The following CPXM2 variants were observed in gnomAD, a reference collection of about 807,000 sequenced individuals.
CPXM2 encodes inactive carboxypeptidase-like protein X2.
In CPXM2, 66 loss-of-function variants were observed where a neutral mutation model predicts 86.1. The observed-to-expected ratio is 0.77, with a 90% confidence interval of 0.63 to 0.94. The LOEUF (loss-of-function observed/expected upper bound fraction) is 0.94, where lower values mean the gene tolerates loss of function less well. Ranked by LOEUF, CPXM2 falls within the 40% of genes least tolerant of loss-of-function variation. The pLI, the probability that CPXM2 is intolerant of heterozygous loss-of-function variation, is 0.00. For missense variants in CPXM2, 948 were observed against 1,026.3 expected, an observed-to-expected ratio of 0.92 and a Z score of 1.04; for synonymous variants, 388 against 400.2, an observed-to-expected ratio of 0.97 and a Z score of 0.36.
chr10:123,916,697 T>G (rs182022911), intron 2 of CPXM2, among the ~76,000 whole-genome samples: 1 of 152,328 alleles, frequency 6.6e-6, no homozygotes. Flanking sequence ...GTTTGTTGGT[T>G]TGATCTGGCT....
intron 10 of CPXM2, among the ~76,000 whole-genome samples, chr10:123,765,207 GTT>G (rs1240407774): frequency 1.3e-5 from 2 of 152,106 alleles, no homozygotes; most frequent in Admixed American, 6.5e-5. Flanking sequence ...CTAATCATTG[GTT>G]ATAGAATTCT....
At chr10:123,849,416 A>G (rs1268246673) in intron 3 of CPXM2, among the ~76,000 whole-genome samples, 2 of 138,238 alleles carry the variant, frequency 1.4e-5, no homozygotes, top group African/African-American at 5.3e-5. Context: ...AATTTCATTT[A>G]TTATATTCTT....
chr10:123,938,922 G>T (rs11517442), intron 2 of CPXM2, among the ~76,000 whole-genome samples: 44,314 of 151,880 alleles, frequency 0.29, 6,719 homozygotes, highest in Middle Eastern at 0.37. Context: ...TCACAGCCCA[G>T]GTACTTCCAT....
chr10:123,825,235 G>A (rs1848021462), intron 4 of CPXM2, among the ~76,000 whole-genome samples: 2 of 152,152 alleles, frequency 1.3e-5, no homozygotes, highest in Non-Finnish European at 2.9e-5. Flanking sequence ...ACTCATTAGA[G>A]AAGAGACAGA....
At chr10:123,818,769 C>A (rs1206221733) in intron 4 of CPXM2, among the ~76,000 whole-genome samples, 2 of 152,148 alleles carry the variant, frequency 1.3e-5, no homozygotes, top group African/African-American at 2.4e-5. Flanking sequence ...AGTTACAACG[C>A]CAACTCAGTG....
At chr10:123,907,317 A>G (rs1945451461) in intron 2 of CPXM2, among the ~76,000 whole-genome samples, 3 of 152,354 alleles carry the variant, frequency 2.0e-5, no homozygotes, top group African/African-American at 7.2e-5. Flanking sequence ...AGCTTTCTGT[A>G]ATTAGAAGAG....
Position 123,891,778 on chromosome 10 carries a change from C to G in CPXM2, c.-119G>C. 1.5e-6 allele frequency: 1 copy of G among 653,594 alleles called. No homozygotes were observed. The highest frequency in any genetic ancestry group is 2.1e-6 in the Non-Finnish European group (1 of 482,586). The allele number at this position is 653,594 out of a possible 1,614,324, so 40.5% of individuals were successfully genotyped here. ...GGCACAGCAGAGCGGCGCGCTTGGG[C>G]GCGGGAGGCGGCCGGCTGGCTGCGC... is the stretch of plus-strand genomic sequence containing the variant. On this transcript the variant is annotated 5_prime_UTR_variant, in exon 1 of 14. Transcript: ENST00000241305. The surrounding 1 kb of genome is among the most constrained non-coding windows in gnomAD (Gnocchi z 5.6).
At chr10:123,805,822 T>A (rs1847567594) in intron 4 of CPXM2, among the ~76,000 whole-genome samples, 1 of 152,208 alleles carries the variant, frequency 6.6e-6, no homozygotes, top group Non-Finnish European at 1.5e-5. Flanking sequence ...CTCACAATAT[T>A]CTTTTCATAA....
intron 1 of CPXM2, among the ~76,000 whole-genome samples, chr10:123,939,691 A>G (rs935826420): frequency 6.6e-6 from 1 of 152,150 alleles, no homozygotes; most frequent in Non-Finnish European, 1.5e-5. Context: ...GCCGGGCCTA[A>G]GGAGAGGCTG....
At chr10:123,914,190 C>T in intron 2 of CPXM2, 2 of 420,826 alleles carry the variant, frequency 4.8e-6, no homozygotes, top group Non-Finnish European at 9.6e-6. Flanking sequence ...TCCGGGAACT[C>T]TGTGAAGCTA....
rs761792844 is a variant in CPXM2 at position 123,842,361 on chromosome 10, T to A, written c.641A>T (p.Asn214Ile). 14 of 1,614,130 alleles carry A rather than the reference T, an allele frequency of 8.7e-6. No homozygotes were observed. Among genetic ancestry groups the A allele is most frequent in the Non-Finnish European group, 1.1e-5 (13 of 1,180,026 alleles). The stretch of plus-strand genomic sequence containing the variant: ...CAGGTACACTCACAGCCAGAGGGAG[T>A]TCCTCCCTTGAGTGATGACACCAGT... The part of the protein sequence containing the change: ...RFTGVITQGR[N>I]SLWLSDWVTS... Residue 214 changes from asparagine to isoleucine, a missense_variant, in exon 4 of 14, where the codon AAC (asparagine) becomes ATC (isoleucine). By Grantham distance (149) the Asn-to-Ile change is moderately radical (BLOSUM62 -3). Transcript: ENST00000241305.
At chr10:123,811,150 CTTTTTTT>C (rs372146234) in intron 4 of CPXM2, among the ~76,000 whole-genome samples, 3 of 145,528 alleles carry the variant, frequency 2.1e-5, no homozygotes, top group African/African-American at 7.5e-5. Context: ...TTTCTTTTTT[CTTTTTTT>C]TTTTATTATA....
rs1945064580 is a variant in CPXM2, at chr10:123,880,450, AAG to A, written c.305-143_305-142del. 4 of 599,630 alleles carry A rather than the reference AAG, an allele frequency of 6.7e-6. No individual in the cohort carries two copies. The South Asian group carries it at 8.0e-5, about 12-fold the overall frequency. The allele number at this position is 599,630 out of a possible 1,614,324, so 37.1% of individuals were successfully genotyped here. ...CCCTAAAGATGGGGTCTTGGACTTT[AAG>A]GAGTCTCTAGTTAAAGGAAAGGAAA... is the stretch of plus-strand genomic sequence containing the variant. On this transcript the variant is annotated intron_variant, in intron 1 of 13. Transcript: ENST00000241305.
intron 4 of CPXM2, among the ~76,000 whole-genome samples, chr10:123,801,717 C>T (rs774941096): frequency 1.4e-4 from 21 of 152,206 alleles, no homozygotes; most frequent in Non-Finnish European, 2.4e-4. Flanking sequence ...ATCCCCATCA[C>T]GTTCTACGAG....
intron 4 of CPXM2, among the ~76,000 whole-genome samples, chr10:123,824,852 G>A (rs1848013529): frequency 6.6e-6 from 1 of 152,198 alleles, no homozygotes; most frequent in Admixed American, 6.5e-5. Flanking sequence ...AATGAAATAT[G>A]ACATCTCCCC....
intron 3 of CPXM2, among the ~76,000 whole-genome samples, chr10:123,848,589 T>A (rs1848542610): frequency 6.6e-6 from 1 of 152,130 alleles, no homozygotes; most frequent in African/African-American, 2.4e-5. Context: ...AACAGGCAAA[T>A]GTTTTCACAT....
Position 123,891,129 on chromosome 10 carries a change from G to A in CPXM2, c.304+227C>T, listed in dbSNP as rs981709038. 1.6e-4 allele frequency among the ~76,000 whole-genome samples: 24 copies of A among 152,190 alleles called. No individual in the cohort carries two copies. The highest frequency in any genetic ancestry group is 3.5e-4 in the Non-Finnish European group (24 of 68,022). On this transcript the variant is annotated intron_variant, in intron 1 of 13. Transcript: ENST00000241305. The surrounding 1 kb of genome is among the most constrained non-coding windows in gnomAD (Gnocchi z 5.6). ...TTGCACAGCTCCCTCTTTACCTAAG[G>A]GCATAAGCCAGAGCTGAAATGCATG...
intron 13 of CPXM2, chr10:123,751,146 C>T (rs762071472): frequency 1.0e-5 from 8 of 786,100 alleles, no homozygotes; most frequent in African/African-American, 1.9e-5. Context: ...TTTGCCTGAG[C>T]GTGTGGCTAG....
chr10:123,893,150 T>C (rs1274754658), upstream of CPXM2, among the ~76,000 whole-genome samples: 2 of 152,196 alleles, frequency 1.3e-5, no homozygotes, highest in Non-Finnish European at 2.9e-5. Context: ...TTGTTCTAGG[T>C]ATTCAGGTGT....
Sources: allele counts gnomAD v4.1 joint callset (sites outside exome capture counted in the v4.1 genomes callset), GRCh38; gene constraint gnomAD v4.1.1; non-coding constraint Gnocchi (gnomAD v3.1); transcripts MANE v1.5; gene names NCBI Gene and HGNC (gene_info 2026-07-23, HGNC 2026-07-21).